Variants in LIN28B observed in about 807,000 individuals in gnomAD.
LIN28B encodes the protein protein lin-28 homolog B.
LIN28B carries 5 observed loss-of-function variants against 21.9 expected under a neutral mutation model. The observed-to-expected ratio is 0.23, with a 90% confidence interval of 0.12 to 0.48. The LOEUF is 0.48. Ranked by LOEUF, LIN28B falls within the 20% of genes least tolerant of loss-of-function variation. The pLI is 0.98. For synonymous variants in LIN28B, 109 were observed against 111.3 expected (o/e 0.98, Z 0.13); for missense variants, 245 against 310.5 (o/e 0.79, Z 1.58).
At chr6:105,015,300 T>A (rs1379997797) in intron 2 of LIN28B, among the ~76,000 whole-genome samples, 1 of 152,190 alleles carries the variant, frequency 6.6e-6, no homozygotes, top group Non-Finnish European at 1.5e-5. Context: ...TTTTTGATAA[T>A]ACTCTTTATC....
At chr6:105,056,675 A>G (rs1045592700) in intron 3 of LIN28B, among the ~76,000 whole-genome samples, 12 of 152,182 alleles carry the variant, frequency 7.9e-5, no homozygotes, top group Admixed American at 7.2e-4. Context: ...CACACATGCA[A>G]CCTGGCCCTT....
intron 3 of LIN28B, among the ~76,000 whole-genome samples, chr6:105,063,648 G>T (rs507296): frequency 2.3e-5 from 3 of 133,308 alleles, no homozygotes; most frequent in South Asian, 2.5e-4. Flanking sequence ...GGGGGGGGGG[G>T]AAAAAAAGGT....
chr6:105,068,276 A>G (rs1462320285), intron 3 of LIN28B, among the ~76,000 whole-genome samples: 4 of 152,204 alleles, frequency 2.6e-5, no homozygotes, highest in Non-Finnish European at 5.9e-5. Context: ...AGTTGTGCAC[A>G]TAGTAGATAT....
chr6:105,061,412 A>G (rs886654780), intron 3 of LIN28B, among the ~76,000 whole-genome samples: 1 of 152,154 alleles, frequency 6.6e-6, no homozygotes. Flanking sequence ...AGATATATAT[A>G]TTGTATCATT....
rs550854693 is a variant in LIN28B, at chr6:105,065,084, A to AT, written c.384-13326dup. 5.3e-5 allele frequency among the ~76,000 whole-genome samples: 8 copies of AT among 152,244 alleles called. No homozygotes were observed. In the South Asian group the frequency reaches 1.7e-3, roughly 32 times the overall value. ...CGGCTCTTCCCATACTTACCTTCAG[A>AT]TTTTACCTCCACCAGTGGCTGTGTA... On this transcript the variant is annotated intron_variant, in intron 3 of 3. Transcript: ENST00000345080.
At chr6:105,021,264 T>A (rs1221365870) in intron 2 of LIN28B, among the ~76,000 whole-genome samples, 1 of 152,206 alleles carries the variant, frequency 6.6e-6, no homozygotes, top group Non-Finnish European at 1.5e-5. Flanking sequence ...ATTTTCTTTA[T>A]CCACTCATCC....
chr6:105,040,833 G>A (rs1460496837), intron 3 of LIN28B, among the ~76,000 whole-genome samples: 7 of 131,040 alleles, frequency 5.3e-5, no homozygotes, highest in Non-Finnish European at 1.1e-4. Context: ...TCTAATTTGT[G>A]CCAAAAATTG....
intron 3 of LIN28B, among the ~76,000 whole-genome samples, chr6:105,069,680 C>A (rs1424645124): frequency 6.6e-6 from 1 of 151,184 alleles, no homozygotes; most frequent in Non-Finnish European, 1.5e-5. Context: ...CAGAGCAAGA[C>A]CCTGTCTCAA....
chr6:105,026,250 T>TA, intron 2 of LIN28B, 48 bp from the exon 3 acceptor site: 3 of 997,618 alleles, frequency 3.0e-6, no homozygotes, highest in Non-Finnish European at 4.4e-6. Flanking sequence ...AAAGCAATGA[T>TA]AATTTTAATC....
At chr6:105,073,527 T>C (rs909872112) in intron 3 of LIN28B, among the ~76,000 whole-genome samples, 6 of 152,226 alleles carry the variant, frequency 3.9e-5, no homozygotes, top group Non-Finnish European at 8.8e-5. Context: ...TTACGTACTA[T>C]CTTTCAACAA....
intron 3 of LIN28B, among the ~76,000 whole-genome samples, chr6:105,068,086 G>A (rs1294663398): frequency 6.6e-6 from 1 of 152,048 alleles, no homozygotes; most frequent in Non-Finnish European, 1.5e-5. Flanking sequence ...AGTATACTTT[G>A]GTGCATTTTC....
intron 3 of LIN28B, among the ~76,000 whole-genome samples, chr6:105,056,706 A>G (rs1349930899): frequency 1.3e-5 from 2 of 152,212 alleles, no homozygotes; most frequent in African/African-American, 2.4e-5. Flanking sequence ...AAGGAGGGAA[A>G]GGTACAGGAT....
At chr6:105,031,742 A>G (rs1436875579) in intron 3 of LIN28B, among the ~76,000 whole-genome samples, 2 of 152,040 alleles carry the variant, frequency 1.3e-5, no homozygotes, top group Non-Finnish European at 2.9e-5. Context: ...TCACCGTGTT[A>G]GCCAGGATGG....
chr6:105,077,873 G>GA (rs898646698), intron 3 of LIN28B, among the ~76,000 whole-genome samples: 1 of 151,972 alleles, frequency 6.6e-6, no homozygotes, highest in South Asian at 2.1e-4. Context: ...TTATACAAAG[G>GA]AAAAAAATTT....
At chr6:105,006,732 C>T (rs1469142931) in intron 2 of LIN28B, among the ~76,000 whole-genome samples, 1 of 152,182 alleles carries the variant, frequency 6.6e-6, no homozygotes. Context: ...ATGGTCCTCT[C>T]ACTTCAGGAC....
chr6:104,938,289 G>A (rs539733897), intron 2 of LIN28B, among the ~76,000 whole-genome samples: 1 of 151,986 alleles, frequency 6.6e-6, no homozygotes, highest in East Asian at 1.9e-4. Context: ...TTATGACCAT[G>A]GTCCCAGGTA....
chr6:104,964,983 T>G (rs1311906210), intron 2 of LIN28B, among the ~76,000 whole-genome samples: 1 of 152,164 alleles, frequency 6.6e-6, no homozygotes, highest in Non-Finnish European at 1.5e-5. Context: ...AGAGTAGAGG[T>G]AATGTTATAT....
At chr6:105,058,352 T>C (rs976808133) in intron 3 of LIN28B, among the ~76,000 whole-genome samples, 2 of 152,204 alleles carry the variant, frequency 1.3e-5, no homozygotes, top group Non-Finnish European at 2.9e-5. Context: ...CATTGGTCTT[T>C]ACATTCTGAG....
intron 2 of LIN28B, among the ~76,000 whole-genome samples, chr6:104,980,798 G>A (rs1360334181): frequency 2.0e-5 from 3 of 151,922 alleles, no homozygotes; most frequent in Non-Finnish European, 4.4e-5. Flanking sequence ...TTCATATCAT[G>A]TCCATATAAA....
Sources: gnomAD v4.1 joint callset for allele counts (sites outside exome capture counted in the v4.1 genomes callset) on GRCh38, gnomAD v4.1.1 for gene constraint, MANE v1.5 for transcripts, NCBI Gene and HGNC (gene_info 2026-07-23, HGNC 2026-07-21) for gene names.